Variants in MAGI2 observed in about 807,000 individuals in gnomAD.
The protein encoded by MAGI2 is membrane associated guanylate kinase, WW and PDZ domain containing 2.
In MAGI2, 35 loss-of-function variants were observed where a neutral mutation model predicts 133.3. The observed-to-expected ratio is 0.26, with a 90% confidence interval of 0.20 to 0.35. The LOEUF (loss-of-function observed/expected upper bound fraction) is 0.35, where lower values mean the gene tolerates loss of function less well. MAGI2 is among the 10% of genes least tolerant of loss of function. MAGI2 has a pLI of 1.00. For synonymous variants in MAGI2, 729 were observed against 710.6 expected (o/e 1.03, Z -0.41); for missense variants, 1,636 against 1,863.4 (o/e 0.88, Z 2.25).
intron 1 of MAGI2, among the ~76,000 whole-genome samples, chr7:79,167,388 CA>C (rs1434586583): frequency 2.8e-5 from 2 of 71,714 alleles, no homozygotes; most frequent in East Asian, 8.7e-4. Flanking sequence ...TAACACCCCC[CA>C]AAAATGGCAA....
At position 78,816,236 on chromosome 7, in the gene MAGI2, G is replaced by A. The variant is rs79550583; in HGVS notation, c.419-188997C>T. On this transcript the variant is annotated intron_variant, in intron 2 of 21. Coordinates refer to ENST00000354212, the MANE Select transcript of MAGI2 (RefSeq NM_012301.4). ...ATTCTATGAAGGTTAAAAGAGGTGA[G>A]GAAGTTGCAGAAAAGTGTGAAGCTA... Among the ~76,000 whole-genome samples the A allele has an allele frequency of 4.2e-3, 644 of 152,302 alleles. 6 individuals are homozygous for A. The highest frequency in any genetic ancestry group is 0.015 in the African/African-American group (612 of 41,556).
chr7:78,285,761 G>C (rs554784488), intron 9 of MAGI2: 3 of 152,164 alleles, frequency 2.0e-5, no homozygotes, highest in Admixed American at 1.3e-4. Flanking sequence ...TGGGGTCCAA[G>C]ATTCTGCATA....
intron 7 of MAGI2, among the ~76,000 whole-genome samples, chr7:78,346,887 G>A (rs922816382): frequency 1.3e-5 from 2 of 152,300 alleles, no homozygotes; most frequent in Admixed American, 6.5e-5. Context: ...TGGCAGGCAA[G>A]CATGAAGAGG....
At chr7:79,161,552 T>A (rs569521719) in intron 1 of MAGI2, among the ~76,000 whole-genome samples, 8 of 152,176 alleles carry the variant, frequency 5.3e-5, no homozygotes, top group African/African-American at 1.7e-4. Context: ...TGTAAAATCT[T>A]GCTAACTGAT....
rs1017863659 is a variant in MAGI2, at chr7:78,916,766, G to A, written c.418+90324C>T. On this transcript the variant is annotated intron_variant, in intron 2 of 21. Transcript: ENST00000354212. Reference sequence around the variant, plus strand: ...CCTGTAAAAAAAAGAAGTGAAGTTAGAATTGCAGGCTGGAAGGAAATAATG... The same window carrying A: ...CCTGTAAAAAAAAGAAGTGAAGTTAAAATTGCAGGCTGGAAGGAAATAATG... 2.0e-5 allele frequency among the ~76,000 whole-genome samples: 3 copies of A among 152,126 alleles called. No individual in the cohort carries two copies. The East Asian group carries it at 5.8e-4, about 29-fold the overall frequency.
At chr7:78,099,585 TA>T (rs1400297362) in intron 20 of MAGI2, among the ~76,000 whole-genome samples, 1 of 152,198 alleles carries the variant, frequency 6.6e-6, no homozygotes, top group Non-Finnish European at 1.5e-5. Context: ...TGCCATGTGT[TA>T]TTATCATGAT....
intron 6 of MAGI2, among the ~76,000 whole-genome samples, chr7:78,432,120 T>G (rs970856543): frequency 6.6e-6 from 1 of 151,906 alleles, no homozygotes; most frequent in African/African-American, 2.4e-5. Flanking sequence ...AAATATTAAA[T>G]TATTAATTTT....
chr7:78,744,094 C>T (rs1272364374), intron 2 of MAGI2, among the ~76,000 whole-genome samples: 5 of 151,946 alleles, frequency 3.3e-5, no homozygotes, highest in African/African-American at 1.2e-4. Flanking sequence ...TTTAAATCAC[C>T]ATACATTTAT....
intron 2 of MAGI2, among the ~76,000 whole-genome samples, chr7:78,786,125 G>A (rs1424239320): frequency 1.3e-5 from 2 of 151,462 alleles, no homozygotes; most frequent in African/African-American, 4.9e-5. Flanking sequence ...GGAGCTCCAT[G>A]TTTCTAGTGC....
At chr7:78,842,900 A>G (rs1307226011) in intron 2 of MAGI2, among the ~76,000 whole-genome samples, 1 of 151,894 alleles carries the variant, frequency 6.6e-6, no homozygotes, top group African/African-American at 2.4e-5. Flanking sequence ...TAAAATTTAC[A>G]ATATAGGTTT....
chr7:78,993,798 G>A lies in MAGI2; in HGVS notation c.418+13292C>T, dbSNP rs146140761. Among the ~76,000 whole-genome samples the A allele has an allele frequency of 1.2e-3, 187 of 151,952 alleles. 2 individuals are homozygous for A. Among genetic ancestry groups the A allele is most frequent in the African/African-American group, 4.3e-3 (179 of 41,440 alleles). On this transcript the variant is annotated intron_variant, in intron 2 of 21. Transcript: ENST00000354212. ...TCCTGAATAACACATTACTTATACT[G>A]TTTTGCTTCGTGAAATAGAAAGAAA... is the stretch of plus-strand genomic sequence containing the variant.
intron 2 of MAGI2, among the ~76,000 whole-genome samples, chr7:78,969,173 C>T (rs1312056034): frequency 6.6e-6 from 1 of 151,994 alleles, no homozygotes; most frequent in Non-Finnish European, 1.5e-5. Context: ...TACTGGCGAC[C>T]ACCTGGTAGT....
At chr7:79,096,615 A>G (rs1817543220) in intron 1 of MAGI2, among the ~76,000 whole-genome samples, 1 of 152,190 alleles carries the variant, frequency 6.6e-6, no homozygotes, top group South Asian at 2.1e-4. Context: ...TGTTTTCAAG[A>G]ATTTAAAACC....
At chr7:78,725,960 T>C (rs187289561) in intron 2 of MAGI2, among the ~76,000 whole-genome samples, 8 of 152,358 alleles carry the variant, frequency 5.3e-5, no homozygotes, top group East Asian at 1.9e-4. Context: ...ATTGTCTTTA[T>C]ATGTTTATAT....
rs182487962 is a variant in MAGI2, at chr7:78,198,737, C to T, written c.2079+2425G>A. Among the ~76,000 whole-genome samples, 75 of 152,282 alleles carry T rather than the reference C, an allele frequency of 4.9e-4. 1 individual carries two copies. ...TGAGGCAGGCCCCTCTCCCCTACTC[C>T]CATGAAATGCTCTGTCCAGAAACTG... On this transcript the variant is annotated intron_variant, in intron 11 of 21. Transcript: ENST00000354212.
chr7:79,223,718 A>G (rs1830631236), intron 1 of MAGI2, among the ~76,000 whole-genome samples: 1 of 152,056 alleles, frequency 6.6e-6, no homozygotes, highest in South Asian at 2.1e-4. Flanking sequence ...ATCATAGATT[A>G]TCATAGTAAA....
At chr7:78,849,890 A>G (rs1330524120) in intron 2 of MAGI2, among the ~76,000 whole-genome samples, 1 of 152,052 alleles carries the variant, frequency 6.6e-6, no homozygotes, top group African/African-American at 2.4e-5. Flanking sequence ...TGGAAATACA[A>G]TAATTTCTAT....
intron 2 of MAGI2, among the ~76,000 whole-genome samples, chr7:78,665,473 C>G (rs1161395496): frequency 6.6e-6 from 1 of 152,102 alleles, no homozygotes; most frequent in Non-Finnish European, 1.5e-5. Flanking sequence ...TTTGCCTGAT[C>G]GCACATTGTA....
At chr7:79,362,689 G>T (rs1016883453) in intron 1 of MAGI2, among the ~76,000 whole-genome samples, 2 of 151,850 alleles carry the variant, frequency 1.3e-5, no homozygotes, top group South Asian at 4.1e-4. Context: ...AAGAAAACAC[G>T]ATCATATCAA....
Sources: gnomAD v4.1 joint callset for allele counts (sites outside exome capture counted in the v4.1 genomes callset) on GRCh38, gnomAD v4.1.1 for gene constraint, MANE v1.5 for transcripts, NCBI Gene and HGNC (gene_info 2026-07-23, HGNC 2026-07-21) for gene names.